The following FREM1 variants were observed in gnomAD, a reference collection of about 807,000 sequenced individuals.
The protein encoded by FREM1 is FRAS1-related extracellular matrix protein 1.
Under a neutral mutation model 210.1 loss-of-function variants are expected in FREM1, and 220 were observed. That is an observed-to-expected ratio of 1.05 (90% confidence interval 0.94 to 1.17). The LOEUF (loss-of-function observed/expected upper bound fraction) is 1.17. Among genes scored for constraint, FREM1 ranks in the 50% most tolerant of loss-of-function variants. The probability of loss-of-function intolerance (pLI) is 0.00; values close to 1 mark genes in which losing one functional copy is unlikely to be tolerated. For synonymous variants in FREM1, 1,189 were observed against 980.2 expected (o/e 1.21, Z -3.98); for missense variants, 3,454 against 2,675.5 (o/e 1.29, Z -6.42).
intron 10 of FREM1, among the ~76,000 whole-genome samples, chr9:14,825,286 G>T (rs1019805349): frequency 1.3e-5 from 2 of 151,624 alleles, no homozygotes; most frequent in Non-Finnish European, 2.9e-5. Flanking sequence ...TCAGGAGTTC[G>T]AGAACAGCCT....
rs756826421 is a variant in FREM1, at chr9:14,788,963, G to A, written c.4133C>T (p.Ser1378Phe). 5.6e-6 allele frequency: 9 copies of A among 1,613,058 alleles called. No individual in the cohort carries two copies. Among genetic ancestry groups the A allele is most frequent in the Middle Eastern group, 1.6e-4 (1 of 6,080 alleles). ...TFYLWDGNNRSPALDCQITIK... is the reference protein window; with the variant it reads ...TFYLWDGNNRFPALDCQITIK... ...GGTGATTTGACAGTCAAGAGCAGGGGACCTGTTGTTGCCATCCCAAAGGTA... is the reference window on the plus strand; with the variant it reads ...GGTGATTTGACAGTCAAGAGCAGGGAACCTGTTGTTGCCATCCCAAAGGTA... The change falls in exon 23 of 37, where the codon TCC (serine) becomes TTC (phenylalanine). Residue 1378 changes from serine to phenylalanine, a missense_variant. Coordinates refer to ENST00000380880, the MANE Select transcript of FREM1 (RefSeq NM_001379081.2).
At chr9:14,871,889 C>G (rs1832748224) in intron 1 of FREM1, among the ~76,000 whole-genome samples, 1 of 152,116 alleles carries the variant, frequency 6.6e-6, no homozygotes, top group African/African-American at 2.4e-5. Flanking sequence ...TATGGCTAGC[C>G]AGTTTTCTCA....
intron 15 of FREM1, among the ~76,000 whole-genome samples, chr9:14,813,622 G>C (rs1339533462): frequency 6.6e-6 from 1 of 151,272 alleles, no homozygotes; most frequent in East Asian, 2.0e-4. Flanking sequence ...TCAATGCCAG[G>C]TTTCATCCCG....
chr9:14,880,430 C>A (rs999383071), intron 1 of FREM1, among the ~76,000 whole-genome samples: 1 of 151,826 alleles, frequency 6.6e-6, no homozygotes, highest in African/African-American at 2.4e-5. Context: ...ATGTCAAAAC[C>A]CTGTCTCTAC....
In FREM1 at chr9:14,884,429, A is replaced by T. The variant is rs559376151; in HGVS notation, c.-267-15185T>A. Among the ~76,000 whole-genome samples the T allele has an allele frequency of 4.9e-4, 74 of 152,302 alleles. 1 individual carries two copies. Among genetic ancestry groups the T allele is most frequent in the African/African-American group, 1.7e-3 (69 of 41,566 alleles). ...ATTCTAAGTACAGTATATCTGTATAAGCCAATAAACGCCAATAAAGCTGTG... is the reference window on the plus strand; with the variant it reads ...ATTCTAAGTACAGTATATCTGTATATGCCAATAAACGCCAATAAAGCTGTG... On this transcript the variant is annotated intron_variant, in intron 1 of 36. Transcript: ENST00000380880.
chr9:14,895,179 A>T (rs1837491294), intron 1 of FREM1, among the ~76,000 whole-genome samples: 1 of 152,252 alleles, frequency 6.6e-6, no homozygotes, highest in Non-Finnish European at 1.5e-5. Context: ...CTTACGGAAC[A>T]GAGTTCCATT....
At chr9:14,813,094 G>C in intron 15 of FREM1, 30 bp from the exon 16 acceptor site, 11 of 1,574,628 alleles carry the variant, frequency 7.0e-6, no homozygotes, top group Non-Finnish European at 8.6e-6. Context: ...CATGTTTTCA[G>C]AAAAAGAAAG....
intron 24 of FREM1, among the ~76,000 whole-genome samples, chr9:14,778,369 G>C (rs757569481): frequency 6.6e-6 from 1 of 151,402 alleles, no homozygotes; most frequent in Non-Finnish European, 1.5e-5. Context: ...CCAGTACCTT[G>C]GCTGGCCAAG....
At chr9:14,839,062 A>G (rs1220138951) in intron 10 of FREM1, among the ~76,000 whole-genome samples, 4 of 152,220 alleles carry the variant, frequency 2.6e-5, no homozygotes, top group African/African-American at 9.6e-5. Context: ...TATATTAATG[A>G]GTTTTAATTT....
chr9:14,751,085 C>G (rs754811125), intron 29 of FREM1, among the ~76,000 whole-genome samples: 7 of 152,148 alleles, frequency 4.6e-5, no homozygotes, highest in Non-Finnish European at 1.0e-4. Flanking sequence ...TGATCTCATC[C>G]TGACCAGTTT....
chr9:14,830,237 A>G (rs1048340275), intron 10 of FREM1, among the ~76,000 whole-genome samples: 1 of 152,204 alleles, frequency 6.6e-6, no homozygotes, highest in East Asian at 1.9e-4. Context: ...GTGGAGTATT[A>G]TATTGTGAGC....
chr9:14,821,238 C>T (rs749574216), intron 13 of FREM1, among the ~76,000 whole-genome samples: 3 of 152,068 alleles, frequency 2.0e-5, no homozygotes, highest in Non-Finnish European at 4.4e-5. Context: ...TTCTAATATC[C>T]TCAGCTTTTT....
chr9:14,769,185 T>C (rs1847059067), intron 27 of FREM1, among the ~76,000 whole-genome samples: 1 of 152,200 alleles, frequency 6.6e-6, no homozygotes, highest in South Asian at 2.1e-4. Flanking sequence ...CCTTCCAAAG[T>C]CTAGTTTCCT....
chr9:14,810,881 T>G (rs1160256131), intron 16 of FREM1, among the ~76,000 whole-genome samples: 1 of 152,220 alleles, frequency 6.6e-6, no homozygotes, highest in Non-Finnish European at 1.5e-5. Context: ...AAAAACTTCA[T>G]TGTACTTTTC....
At chr9:14,846,130 C>T (rs576802571) in intron 7 of FREM1, 39 bp from the exon 8 acceptor site, 20 of 1,505,476 alleles carry the variant, frequency 1.3e-5, no homozygotes, top group Middle Eastern at 2.0e-4. Context: ...GTATCATAGA[C>T]TGGATAAAGA....
At chr9:14,863,330 G>C (rs1317832362) in intron 3 of FREM1, among the ~76,000 whole-genome samples, 2 of 125,568 alleles carry the variant, frequency 1.6e-5, no homozygotes, top group African/African-American at 6.7e-5. Flanking sequence ...GACAGAGCAA[G>C]ACTCCGTCTC....
chr9:14,839,577 G>T (rs1825267925), intron 10 of FREM1, among the ~76,000 whole-genome samples: 2 of 152,102 alleles, frequency 1.3e-5, no homozygotes, highest in African/African-American at 4.8e-5. Flanking sequence ...ATCCATCACA[G>T]GGAATAAACT....
intron 20 of FREM1, among the ~76,000 whole-genome samples, chr9:14,798,532 C>G (rs570469882): frequency 1.3e-4 from 20 of 152,126 alleles, no homozygotes; most frequent in Admixed American, 1.2e-3. Context: ...AATGCTTGAT[C>G]CCAGGAATTT....
intron 1 of FREM1, among the ~76,000 whole-genome samples, chr9:14,887,546 G>A (rs1381066200): frequency 6.6e-6 from 1 of 152,144 alleles, no homozygotes; most frequent in African/African-American, 2.4e-5. Flanking sequence ...GAAAGTCTTC[G>A]TGATCTTGCC....
Sources: gnomAD v4.1 joint callset for allele counts (sites outside exome capture counted in the v4.1 genomes callset) on GRCh38, gnomAD v4.1.1 for gene constraint, MANE v1.5 for transcripts, NCBI Gene and HGNC (gene_info 2026-07-23, HGNC 2026-07-21) for gene names.